ZNF485: variants seen among roughly 807,000 people sequenced by gnomAD.
ZNF485 encodes the protein Zinc finger protein 93 (Zinc finger protein HTF34).
ZNF485 carries 9 observed loss-of-function variants against 10.8 expected under a neutral mutation model. That is an observed-to-expected ratio of 0.83 (90% CI 0.50 to 1.45). The LOEUF (loss-of-function observed/expected upper bound fraction) is 1.45, where lower values mean the gene tolerates loss of function less well. Ranked by LOEUF, ZNF485 falls within the 40% of genes most tolerant of loss-of-function variation. The pLI is 0.00. For missense variants in ZNF485, 487 were observed against 528.0 expected, an observed-to-expected ratio of 0.92 and a Z score of 0.76; for synonymous variants, 187 against 181.0, an observed-to-expected ratio of 1.03 and a Z score of -0.27.
intron 4 of ZNF485, among the ~76,000 whole-genome samples, chr10:43,611,345 G>C (rs79414515): frequency 0.1 from 15,608 of 152,146 alleles, 919 homozygotes; most frequent in Middle Eastern, 0.18. Flanking sequence ...TGGGATTACA[G>C]GCGTGCATCA....
At chr10:43,614,635 CT>C (rs1838823031) in intron 4 of ZNF485, among the ~76,000 whole-genome samples, 1 of 151,856 alleles carries the variant, frequency 6.6e-6, no homozygotes, top group Non-Finnish European at 1.5e-5. Context: ...TTTGTCAGTG[CT>C]TTTTTGTGTC....
Position 43,616,369 on chromosome 10 carries a change from C to A in ZNF485, c.326C>A (p.Thr109Lys), listed in dbSNP as rs149084067. Residue 109 changes from threonine to lysine, a missense_variant, in exon 5 of 5, where the codon ACG becomes AAG. Transcript: ENST00000361807. ...TSEASVLGER[T>K]KSVMMEKGLD... ...GAAGCATCTGTTCTGGGAGAGCGAA[C>A]GAAAAGTGTCATGATGGAAAAAGGC... 11 of 1,613,746 alleles carry A rather than the reference C, an allele frequency of 6.8e-6. No homozygotes were observed. The highest frequency in any genetic ancestry group is 3.3e-4 in the Middle Eastern group (2 of 6,080).
At chr10:43,615,845 C>CA (rs1838847732) in intron 4 of ZNF485, among the ~76,000 whole-genome samples, 3 of 152,200 alleles carry the variant, frequency 2.0e-5, no homozygotes, top group Non-Finnish European at 4.4e-5. Context: ...CTTAAATCCT[C>CA]ACAGAGAACT....
chr10:43,614,473 T>C (rs1436025024), intron 4 of ZNF485, among the ~76,000 whole-genome samples: 1 of 152,044 alleles, frequency 6.6e-6, no homozygotes, highest in Non-Finnish European at 1.5e-5. Flanking sequence ...TTTTTTTCTG[T>C]AGAGATGGAG....
chr10:43,614,307 G>T (rs1205991772), intron 4 of ZNF485, among the ~76,000 whole-genome samples: 1 of 152,046 alleles, frequency 6.6e-6, no homozygotes. Context: ...TTGATTACAT[G>T]TATTGTACCA....
At position 43,616,892 on chromosome 10, in the gene ZNF485, A is replaced by G. The variant is rs759415634; in HGVS notation, c.849A>G (p.Ser283=). Residue 283 remains serine, a synonymous_variant, in exon 5 of 5, where the codon TCA becomes TCG. Coordinates refer to ENST00000361807, the MANE Select transcript of ZNF485 (RefSeq NM_145312.4). The part of the protein sequence containing the change: ...NKCGRAFRDN[S]TVLEHQKIHT... ...GTGGGAGAGCTTTCAGGGATAATTC[A>G]ACTGTGTTGGAACATCAGAAAATCC... 1.9e-6 allele frequency: 3 copies of G among 1,614,130 alleles called. No homozygotes were observed. The highest frequency in any genetic ancestry group is 1.3e-5 in the African/African-American group (1 of 75,074).
chr10:43,608,571 C>T (rs1000117163), intron 2 of ZNF485, 43 bp from the exon 3 acceptor site: 2 of 1,574,848 alleles, frequency 1.3e-6, no homozygotes, highest in African/African-American at 2.7e-5. Context: ...GGATGCCTCC[C>T]TCAGGGGTTC....
At chr10:43,607,241 C>A (rs1012003387) in intron 2 of ZNF485, 167 bp downstream of exon 2, 2 of 748,966 alleles carry the variant, frequency 2.7e-6, no homozygotes, top group Non-Finnish European at 4.5e-6. Flanking sequence ...TAGTCATTCA[C>A]CAAGTAGATT....
At chr10:43,614,910 C>T (rs1838827042) in intron 4 of ZNF485, among the ~76,000 whole-genome samples, 1 of 152,136 alleles carries the variant, frequency 6.6e-6, no homozygotes, top group Non-Finnish European at 1.5e-5. Context: ...TTCCTCACTG[C>T]TTTGCAAGAC....
Position 43,607,229 on chromosome 10 carries a change from C to T in ZNF485, c.24+155C>T, listed in dbSNP as rs976724345. 7.4e-6 allele frequency: 6 copies of T among 809,664 alleles called. No homozygotes were observed. In the African/African-American group the frequency reaches 8.6e-5, roughly 12 times the overall value. The allele number at this position is 809,664 out of a possible 1,614,324, so 50.2% of individuals were successfully genotyped here. A position where few individuals can be genotyped will look rare whatever the true frequency, so the allele number is the denominator to read the frequency against. ...CGATTTCCGTCCTGTCTACCCATTACGTAGTCATTCACCAAGTAGATTATT... is the reference window on the plus strand; with the variant it reads ...CGATTTCCGTCCTGTCTACCCATTATGTAGTCATTCACCAAGTAGATTATT... On this transcript the variant is annotated intron_variant, in intron 2 of 4. Coordinates refer to ENST00000361807, the MANE Select transcript of ZNF485 (RefSeq NM_145312.4).
At position 43,608,596 on chromosome 10, in the gene ZNF485, T is replaced by C. The variant is rs1160981425; in HGVS notation, c.25-18T>C. The C allele has an allele frequency of 8.1e-6, 13 of 1,606,200 alleles. No homozygotes were observed. Among genetic ancestry groups the C allele is most frequent in the Non-Finnish European group, 1.1e-5 (13 of 1,175,838 alleles). On this transcript the variant is annotated intron_variant, in intron 2 of 4. Transcript: ENST00000361807. ...CTCAGGGGTTCCCGGATGAGCAGAA[T>C]TGGGTTTGGTTTTGCAGGGACCGCT...
At chr10:43,616,224 C>A in intron 4 of ZNF485, 67 bp from the exon 5 acceptor site, 1 of 1,296,772 alleles carries the variant, frequency 7.7e-7, no homozygotes, top group Non-Finnish European at 1.1e-6. Flanking sequence ...TATTCAAGTC[C>A]TTGCACAACT....
At position 43,616,860 on chromosome 10, in the gene ZNF485, A is replaced by G. The variant is rs1838870514; in HGVS notation, c.817A>G (p.Asn273Asp). 6.2e-7 allele frequency: 1 copy of G among 1,614,130 alleles called. No homozygotes were observed. Among genetic ancestry groups the G allele is most frequent in the Middle Eastern group, 1.6e-4 (1 of 6,062 alleles). Residue 273 changes from asparagine to aspartate, a missense_variant, in exon 5 of 5, where the codon AAC becomes GAC. Physicochemically the swap from Asn to Asp is conservative, Grantham distance 23 (BLOSUM62 1). Coordinates refer to ENST00000361807, the MANE Select transcript of ZNF485 (RefSeq NM_145312.4). ...IHSGEKPFKC[N>D]KCGRAFRDNS... is the part of the protein sequence containing the mutation. ...TAGTGGAGAGAAGCCTTTTAAATGT[A>G]ACAAGTGTGGGAGAGCTTTCAGGGA...
intron 4 of ZNF485, among the ~76,000 whole-genome samples, chr10:43,614,325 C>T (rs923574019): frequency 6.6e-6 from 1 of 152,168 alleles, no homozygotes; most frequent in Non-Finnish European, 1.5e-5. Context: ...CCATCCCTCT[C>T]TCTGTTGTTA....
intron 3 of ZNF485, among the ~76,000 whole-genome samples, 187 bp from the exon 4 acceptor site, chr10:43,609,068 T>A (rs1285985456): frequency 6.6e-6 from 1 of 152,150 alleles, no homozygotes; most frequent in Non-Finnish European, 1.5e-5. Flanking sequence ...CCCCTCCCTT[T>A]GCTTTACTTC....
intron 3 of ZNF485, among the ~76,000 whole-genome samples, 188 bp downstream of exon 3, chr10:43,608,928 G>A (rs1187129708): frequency 1.3e-5 from 2 of 152,214 alleles, no homozygotes; most frequent in Non-Finnish European, 2.9e-5. Context: ...GAGCCATACA[G>A]AGTTAAGATG....
intron 2 of ZNF485, 29 bp from the exon 3 acceptor site, chr10:43,608,585 G>T (rs199905264): frequency 1.9e-6 from 3 of 1,594,180 alleles, no homozygotes; most frequent in Admixed American, 3.6e-5. Flanking sequence ...GGGGTTCCCG[G>T]ATGAGCAGAA....
At chr10:43,609,166 G>T in intron 3 of ZNF485, 89 bp from the exon 4 acceptor site, 1 of 990,314 alleles carries the variant, frequency 1.0e-6, no homozygotes. Flanking sequence ...CTGAGGTCTG[G>T]AGTGACTGCT....
chr10:43,609,245 T>G lies in ZNF485; in HGVS notation c.152-10T>G. The G allele has an allele frequency of 6.2e-7, 1 of 1,607,338 alleles. No homozygotes were observed. The highest frequency in any genetic ancestry group is 1.1e-5 in the South Asian group (1 of 90,450). On this transcript the variant is annotated splice_polypyrimidine_tract_variant and intron_variant, in intron 3 of 4. Coordinates refer to ENST00000361807, the MANE Select transcript of ZNF485 (RefSeq NM_145312.4). ...TTTCTTCCTCTAAGATCCTTTTTCT[T>G]TATGAACAGGGCTTCTCTCTTCCAA...
Sources: gnomAD v4.1 joint callset for allele counts (sites outside exome capture counted in the v4.1 genomes callset) on GRCh38, gnomAD v4.1.1 for gene constraint, MANE v1.5 for transcripts, NCBI Gene and HGNC (gene_info 2026-07-23, HGNC 2026-07-21) for gene names.